Variants in IGSF21 observed in about 807,000 individuals in gnomAD.
IGSF21 encodes the protein immunoglobulin superfamily member 21.
A neutral mutation model predicts 46.8 loss-of-function variants in IGSF21; 28 were observed. That is an observed-to-expected ratio of 0.60 (90% CI 0.44 to 0.82). IGSF21 has a LOEUF of 0.82. Ranked by LOEUF, IGSF21 falls within the 40% of genes least tolerant of loss-of-function variation. The probability of loss-of-function intolerance (pLI) is 0.00; values close to 1 mark genes in which losing one functional copy is unlikely to be tolerated. For synonymous variants in IGSF21, 284 were observed against 273.6 expected (o/e 1.04, Z -0.38); for missense variants, 624 against 665.5 (o/e 0.94, Z 0.69).
intron 4 of IGSF21, among the ~76,000 whole-genome samples, chr1:18,339,390 G>A (rs1305464536): frequency 6.6e-6 from 1 of 152,164 alleles, no homozygotes; most frequent in African/African-American, 2.4e-5. Flanking sequence ...GAGACAGAGT[G>A]CAGGGAGTGG....
intron 1 of IGSF21, among the ~76,000 whole-genome samples, chr1:18,177,582 T>C (rs896629219): frequency 2.0e-5 from 3 of 152,172 alleles, no homozygotes; most frequent in Non-Finnish European, 4.4e-5. Context: ...CTTCATCTCT[T>C]ATTTCTTATT....
At chr1:18,317,852 C>A (rs1340226266) in intron 3 of IGSF21, among the ~76,000 whole-genome samples, 1 of 152,202 alleles carries the variant, frequency 6.6e-6, no homozygotes, top group Non-Finnish European at 1.5e-5. Context: ...CTCTCAACAA[C>A]CCATGAGAAA....
chr1:18,309,198 C>T (rs1234846943), intron 3 of IGSF21, among the ~76,000 whole-genome samples: 1 of 152,076 alleles, frequency 6.6e-6, no homozygotes, highest in Admixed American at 6.5e-5. Flanking sequence ...ATGCTACTGT[C>T]ATTGCCCTTT....
chr1:18,189,876 T>G (rs2086938301), intron 1 of IGSF21, among the ~76,000 whole-genome samples: 1 of 151,390 alleles, frequency 6.6e-6, no homozygotes, highest in Non-Finnish European at 1.5e-5. Flanking sequence ...TCCTCTGCCC[T>G]GGAGCCTTTA....
intron 1 of IGSF21, among the ~76,000 whole-genome samples, chr1:18,126,554 G>A (rs1460778413): frequency 1.3e-5 from 2 of 152,100 alleles, no homozygotes; most frequent in African/African-American, 2.4e-5. Flanking sequence ...CTGGACCCGA[G>A]GCTCACAGCT....
chr1:18,224,564 G>A (rs1297605750), intron 1 of IGSF21, among the ~76,000 whole-genome samples: 1 of 152,134 alleles, frequency 6.6e-6, no homozygotes, highest in Non-Finnish European at 1.5e-5. Context: ...GCAGCTCCAT[G>A]AGGACAGGGA....
intron 1 of IGSF21, among the ~76,000 whole-genome samples, chr1:18,108,615 G>A (rs1337550087): frequency 6.6e-6 from 1 of 151,936 alleles, no homozygotes; most frequent in Non-Finnish European, 1.5e-5. Flanking sequence ...GTGTGAGAGT[G>A]TGAGCGAATG....
At chr1:18,353,812 G>A (rs2085986165) in intron 4 of IGSF21, among the ~76,000 whole-genome samples, 1 of 152,224 alleles carries the variant, frequency 6.6e-6, no homozygotes, top group Non-Finnish European at 1.5e-5. Flanking sequence ...GGTGATGGGA[G>A]GGTAAGTATT....
intron 2 of IGSF21, among the ~76,000 whole-genome samples, chr1:18,251,274 T>C (rs980998303): frequency 2.6e-5 from 4 of 152,164 alleles, no homozygotes; most frequent in Admixed American, 1.3e-4. Context: ...CAAAAAAAAT[T>C]ATCTGGCTGT....
chr1:18,161,502 C>T, intron 1 of IGSF21, among the ~76,000 whole-genome samples: 1 of 152,148 alleles, frequency 6.6e-6, no homozygotes, highest in South Asian at 2.1e-4. Context: ...CCCCCCAGCC[C>T]ACTTTCCTGG....
At chr1:18,220,739 G>A (rs893728290) in intron 1 of IGSF21, among the ~76,000 whole-genome samples, 12 of 152,172 alleles carry the variant, frequency 7.9e-5, no homozygotes, top group African/African-American at 1.9e-4. Context: ...AATCCTTGAA[G>A]GATGCCCAGG....
Position 18,177,401 on chromosome 1 carries a change from G to A in IGSF21, c.71-50497G>A, listed in dbSNP as rs61762135. ...GGGATGGGGTCAGTGAGGTGTGTGT[G>A]TGTGTGTGTGTGTGTGTGTGTGTGT... On this transcript the variant is annotated intron_variant, in intron 1 of 9. Coordinates refer to ENST00000251296, the MANE Select transcript of IGSF21 (RefSeq NM_032880.5). Among the ~76,000 whole-genome samples the A allele has an allele frequency of 2.1e-3, 207 of 97,908 alleles. 4 individuals carry two copies. The highest frequency in any genetic ancestry group is 5.9e-3 in the South Asian group (20 of 3,376). The allele number at this position is 97,908 out of a possible 152,430, so 64.2% of individuals were successfully genotyped here.
intron 1 of IGSF21, among the ~76,000 whole-genome samples, chr1:18,151,708 A>G (rs146651889): frequency 4.8e-4 from 73 of 151,932 alleles, no homozygotes; most frequent in African/African-American, 1.7e-3. Context: ...ACTGACTCAC[A>G]CATCCTCCTT....
intron 1 of IGSF21, among the ~76,000 whole-genome samples, chr1:18,203,483 A>G (rs143749006): frequency 6.6e-6 from 1 of 152,212 alleles, no homozygotes; most frequent in East Asian, 1.9e-4. Flanking sequence ...TAGGTTTTGT[A>G]TTTTTAGTAG....
At chr1:18,294,598 G>C (rs2085295109) in intron 3 of IGSF21, among the ~76,000 whole-genome samples, 1 of 152,214 alleles carries the variant, frequency 6.6e-6, no homozygotes, top group African/African-American at 2.4e-5. Context: ...AGGGAATGAG[G>C]CTTGCCTGAG....
intron 1 of IGSF21, among the ~76,000 whole-genome samples, chr1:18,218,626 T>A (rs997922581): frequency 3.9e-5 from 6 of 152,074 alleles, no homozygotes; most frequent in Non-Finnish European, 7.4e-5. Context: ...TGAAGATAAA[T>A]AAAACCTACA....
intron 4 of IGSF21, among the ~76,000 whole-genome samples, chr1:18,340,873 TC>T (rs1219830871): frequency 6.6e-6 from 1 of 152,114 alleles, no homozygotes; most frequent in African/African-American, 2.4e-5. Flanking sequence ...CAGATTTGCT[TC>T]TGCTTCTGCC....
At chr1:18,171,208 G>C (rs1468396587) in intron 1 of IGSF21, among the ~76,000 whole-genome samples, 1 of 152,102 alleles carries the variant, frequency 6.6e-6, no homozygotes, top group Non-Finnish European at 1.5e-5. Flanking sequence ...AGTGAGAATT[G>C]AGCCATGATT....
intron 2 of IGSF21, among the ~76,000 whole-genome samples, chr1:18,274,147 G>A (rs1443939068): frequency 6.6e-6 from 1 of 152,212 alleles, no homozygotes; most frequent in African/African-American, 2.4e-5. Flanking sequence ...GAGATACACG[G>A]TGTTGGGCAA....
Sources: allele counts gnomAD v4.1 joint callset (sites outside exome capture counted in the v4.1 genomes callset), GRCh38; gene constraint gnomAD v4.1.1; transcripts MANE v1.5; gene names NCBI Gene and HGNC (gene_info 2026-07-23, HGNC 2026-07-21).